Variants in CUBN observed in about 807,000 individuals in gnomAD.
CUBN encodes cubilin, also known as 460 kDa receptor.
In CUBN, 282 loss-of-function variants were observed where a neutral mutation model predicts 405.3. The ratio of observed to expected loss-of-function variants is 0.70; its 90% CI spans 0.63 to 0.77. The LOEUF is 0.77. CUBN is among the 30% of genes least tolerant of loss of function. The pLI is 0.00. For synonymous variants in CUBN, 1,684 were observed against 1,617.0 expected, an observed-to-expected ratio of 1.04 and a Z score of -0.99; for missense variants, 4,514 against 4,475.2, an observed-to-expected ratio of 1.01 and a Z score of -0.25.
At position 16,831,258 on chromosome 10, in the gene CUBN, G is replaced by A. The variant is rs762706539; in HGVS notation, c.10522C>T (p.Pro3508Ser). 3.7e-6 allele frequency: 6 copies of A among 1,613,820 alleles called. No individual in the cohort carries two copies. The African/African-American group carries it at 6.7e-5, about 18-fold the overall frequency. Residue 3508 changes from proline to serine, a missense_variant, in exon 65 of 67, where the codon CCC (proline) becomes TCC (serine). Transcript: ENST00000377833. ...CAAAGTGCAAATGTCTTACCAGAGG[G>A]TGATGAAGTCCAGATGATTTCATAT... is the stretch of plus-strand genomic sequence containing the variant. Reference protein sequence around the residue: ...RGYEIIWTSSPSGCGGTLYGD... With the variant: ...RGYEIIWTSSSSGCGGTLYGD...
At chr10:16,833,193 A>T (rs4088454) in intron 64 of CUBN, among the ~76,000 whole-genome samples, 16,942 of 152,168 alleles carry the variant, frequency 0.11, 1,098 homozygotes, top group African/African-American at 0.17. Flanking sequence ...GGATTATTCC[A>T]TCTTTCCTCC....
At chr10:16,855,784 A>C (rs988020506) in intron 59 of CUBN, among the ~76,000 whole-genome samples, 3 of 152,236 alleles carry the variant, frequency 2.0e-5, no homozygotes, top group Non-Finnish European at 4.4e-5. Context: ...AAGAACATGG[A>C]GAAAAATATC....
intron 49 of CUBN, among the ~76,000 whole-genome samples, chr10:16,906,790 T>G (rs1470492631): frequency 6.6e-6 from 1 of 152,192 alleles, no homozygotes; most frequent in Non-Finnish European, 1.5e-5. Context: ...AATAAATTAT[T>G]TTAAATCAAA....
At chr10:16,851,523 CAT>C (rs1161406033) in intron 59 of CUBN, 80 bp from the exon 60 acceptor site, 223 of 1,268,824 alleles carry the variant, frequency 1.8e-4, no homozygotes, top group East Asian at 4.7e-5. Context: ...TTAAAAAGAA[CAT>C]AGTTTCCATT....
chr10:17,109,767 C>G, intron 9 of CUBN, 32 bp from the exon 10 acceptor site: 1 of 1,558,060 alleles, frequency 6.4e-7, no homozygotes, highest in African/African-American at 1.4e-5. Context: ...TCATAAGAAA[C>G]AATGTCAAGA....
At position 16,918,702 on chromosome 10, in the gene CUBN, G is replaced by A; in HGVS notation, c.6920C>T (p.Ser2307Phe). Residue 2307 changes from serine to phenylalanine, a missense_variant, in exon 45 of 67, where the codon TCC becomes TTC. This residue lies in a region of CUBN where 1,613 missense variants were observed against 1,542.8 expected (regional missense o/e 1.05). Coordinates refer to ENST00000377833, the MANE Select transcript of CUBN (RefSeq NM_001081.4). ...TCTCAAATACATAACCTCTCCTGAG[G>A]ACCACTGACTGCTGGGCAAAGATGT... is the stretch of plus-strand genomic sequence containing the variant. ...CGTSLPSSQWSSGEVMYLRFR... is the reference protein window; with the variant it reads ...CGTSLPSSQWFSGEVMYLRFR... The A allele has an allele frequency of 6.2e-7, 1 of 1,613,894 alleles. No individual in the cohort carries two copies. The highest frequency in any genetic ancestry group is 1.1e-5 in the South Asian group (1 of 91,052).
intron 36 of CUBN, among the ~76,000 whole-genome samples, chr10:16,942,006 C>T (rs1461873837): frequency 6.6e-6 from 1 of 152,006 alleles, no homozygotes; most frequent in Non-Finnish European, 1.5e-5. Flanking sequence ...GGACAAAGGG[C>T]TTGAACAGAT....
At chr10:17,043,573 A>T (rs1351850798) in intron 26 of CUBN, among the ~76,000 whole-genome samples, 1 of 152,230 alleles carries the variant, frequency 6.6e-6, no homozygotes, top group Non-Finnish European at 1.5e-5. Flanking sequence ...TGTTTTAGTT[A>T]TATGAGATTA....
Position 17,071,578 on chromosome 10 carries a change from C to T in CUBN, c.2473G>A (p.Gly825Arg). 1 of 1,613,742 alleles carries T rather than the reference C, an allele frequency of 6.2e-7. No individual in the cohort carries two copies. The highest frequency in any genetic ancestry group is 8.5e-7 in the Non-Finnish European group (1 of 1,179,904). The change falls in exon 19 of 67, where the codon GGG becomes AGG. Residue 825 changes from glycine (G) to arginine (R), a missense_variant. Gly to Arg is a moderately radical substitution (Grantham distance 125). Coordinates refer to ENST00000377833, the MANE Select transcript of CUBN (RefSeq NM_001081.4). ...VACGDELTGE[G>R]VIRSPFFPNV... ...GGAAAAAAAGGCGAGCGAATGACCC[C>T]TTCTCCAGTTAATTCATCCCCGCAA... is the stretch of plus-strand genomic sequence containing the variant.
chr10:16,877,013 G>A lies in CUBN; in HGVS notation c.8990C>T (p.Thr2997Ile). 6.2e-7 allele frequency: 1 copy of A among 1,614,092 alleles called. No individual in the cohort carries two copies. The highest frequency in any genetic ancestry group is 8.5e-7 in the Non-Finnish European group (1 of 1,179,946). ...AGCTGGCATCTCATCCCCACACACAGTAGCAAATGGGGTGGACATGACGCT... is the reference window on the plus strand; with the variant it reads ...AGCTGGCATCTCATCCCCACACACAATAGCAAATGGGGTGGACATGACGCT... ...GYSVMSTPFATVCGDEMPAPL... is the reference protein window; with the variant it reads ...GYSVMSTPFAIVCGDEMPAPL... Residue 2997 changes from threonine (T) to isoleucine (I), a missense_variant, in exon 57 of 67, where the codon ACT becomes ATT. Physicochemically the swap from Thr to Ile is moderately conservative, Grantham distance 89. Transcript: ENST00000377833.
At chr10:17,059,907 A>G (rs7904630) in intron 22 of CUBN, among the ~76,000 whole-genome samples, 19,046 of 152,078 alleles carry the variant, frequency 0.13, 2,075 homozygotes, top group African/African-American at 0.29. Context: ...CTCTAATGTA[A>G]TTTTCACATT....
At chr10:17,127,764 C>T (rs1051648337) in intron 3 of CUBN, 65 bp downstream of exon 3, 41 of 1,183,004 alleles carry the variant, frequency 3.5e-5, no homozygotes, top group Admixed American at 3.2e-4. Flanking sequence ...CCCTACAAAA[C>T]GGTTACTTAT....
At chr10:17,105,679 C>T in intron 10 of CUBN, 104 bp from the exon 11 acceptor site, 1 of 723,706 alleles carries the variant, frequency 1.4e-6, no homozygotes, top group South Asian at 1.5e-5. Flanking sequence ...CCACCAACAT[C>T]CAGTCTGTGT....
intron 64 of CUBN, among the ~76,000 whole-genome samples, chr10:16,833,996 G>C (rs1839091356): frequency 6.6e-6 from 1 of 152,208 alleles, no homozygotes. Flanking sequence ...GAGACGGTCA[G>C]GATGAGGTTT....
intron 54 of CUBN, among the ~76,000 whole-genome samples, chr10:16,893,995 A>G (rs568348152): frequency 1.3e-5 from 2 of 152,278 alleles, no homozygotes; most frequent in South Asian, 4.1e-4. Context: ...GACGTTGAAC[A>G]TCTTTTCTGG....
At chr10:16,832,426 G>A (rs1318332825) in intron 64 of CUBN, among the ~76,000 whole-genome samples, 1 of 152,166 alleles carries the variant, frequency 6.6e-6, no homozygotes, top group Non-Finnish European at 1.5e-5. Context: ...GGTCGATGTA[G>A]TAGCCCATGG....
intron 27 of CUBN, among the ~76,000 whole-genome samples, chr10:17,023,227 G>T (rs1834550066): frequency 6.6e-6 from 1 of 151,242 alleles, no homozygotes; most frequent in Admixed American, 6.6e-5. Flanking sequence ...CAGTAGGTTT[G>T]GGGGGCAACA....
At chr10:16,998,621 T>C (rs571167755) in intron 28 of CUBN, among the ~76,000 whole-genome samples, 1 of 152,332 alleles carries the variant, frequency 6.6e-6, no homozygotes, top group Non-Finnish European at 1.5e-5. Flanking sequence ...ATAATTGAGG[T>C]GGCCAAACTC....
intron 20 of CUBN, 39 bp from the exon 21 acceptor site, chr10:17,068,319 C>A (rs747526335): frequency 3.2e-6 from 5 of 1,581,370 alleles, no homozygotes; most frequent in Non-Finnish European, 1.7e-6. Flanking sequence ...AGCAAGTAAC[C>A]AAGCTACCTG....
Sources: allele counts gnomAD v4.1 joint callset (sites outside exome capture counted in the v4.1 genomes callset), GRCh38; gene constraint gnomAD v4.1.1; regional missense constraint gnomAD v4.1.1; transcripts MANE v1.5; gene names NCBI Gene and HGNC (gene_info 2026-07-23, HGNC 2026-07-21).